KDM4C: variants seen among roughly 807,000 people sequenced by gnomAD.
KDM4C encodes lysine demethylase 4C.
A neutral mutation model predicts 129.3 loss-of-function variants in KDM4C; 81 were observed. The observed-to-expected ratio is 0.63, with a 90% CI of 0.52 to 0.75. The LOEUF is 0.75. Ranked by LOEUF, KDM4C falls within the 30% of genes least tolerant of loss-of-function variation. The pLI is 0.00. For synonymous variants in KDM4C, 573 were observed against 456.1 expected, an observed-to-expected ratio of 1.26 and a Z score of -3.26; for missense variants, 1,457 against 1,304.0, an observed-to-expected ratio of 1.12 and a Z score of -1.81.
chr9:7,105,548 G>A lies in KDM4C; in HGVS notation c.2610+1678G>A, dbSNP rs10758825. On this transcript the variant is annotated intron_variant, in intron 18 of 21. Coordinates refer to ENST00000381309, the MANE Select transcript of KDM4C (RefSeq NM_015061.6). ...CGAGGATAAGAAACCTAAGTTCAGA[G>A]AGGTTTAATTCCTTGCCCAAATAGA... The A allele has an allele frequency of 1.7e-5, 8 of 458,948 alleles. No individual in the cohort carries two copies. In the East Asian group the frequency reaches 3.5e-4, roughly 20 times the overall value. 28.4% of individuals were successfully genotyped at this position (458,948 alleles called of 1,614,324 possible). A position where few individuals can be genotyped will look rare whatever the true frequency, so the allele number is the denominator to read the frequency against.
In KDM4C at chr9:6,904,192, T is replaced by G. The variant is rs994749848; in HGVS notation, c.921+10960T>G. On this transcript the variant is annotated intron_variant, in intron 8 of 21. Coordinates refer to ENST00000381309, the MANE Select transcript of KDM4C (RefSeq NM_015061.6). The stretch of plus-strand genomic sequence containing the variant: ...AGGCAGAGGTTGTGGTGAGCTGACA[T>G]TGTGCCACTGCACTCCAGCCTGGGC... Among the ~76,000 whole-genome samples the G allele has an allele frequency of 2.0e-5, 3 of 152,036 alleles. No homozygotes were observed. The South Asian group carries it at 6.2e-4, about 32-fold the overall frequency.
chr9:6,764,186 T>G (rs1820158654), intron 1 of KDM4C, among the ~76,000 whole-genome samples: 1 of 152,214 alleles, frequency 6.6e-6, no homozygotes, highest in South Asian at 2.1e-4. Context: ...TAGAGAATGG[T>G]AGGAGTACTT....
At chr9:6,972,069 A>G (rs1178824169) in intron 8 of KDM4C, among the ~76,000 whole-genome samples, 1 of 152,164 alleles carries the variant, frequency 6.6e-6, no homozygotes, top group Non-Finnish European at 1.5e-5. Flanking sequence ...AAATATGATT[A>G]CACGTGGCAA....
chr9:7,022,314 C>G (rs889816889), intron 15 of KDM4C, among the ~76,000 whole-genome samples: 1 of 151,940 alleles, frequency 6.6e-6, no homozygotes, highest in Non-Finnish European at 1.5e-5. Context: ...TTTTTTGTTT[C>G]CTCTTCAATT....
At chr9:6,995,954 C>T (rs538502892) in intron 12 of KDM4C, among the ~76,000 whole-genome samples, 44 of 152,298 alleles carry the variant, frequency 2.9e-4, no homozygotes, top group African/African-American at 9.9e-4. Flanking sequence ...AGGCGTGAGC[C>T]ACCGCGCCCG....
chr9:7,067,729 A>G (rs115008513), intron 17 of KDM4C, among the ~76,000 whole-genome samples: 1,566 of 152,312 alleles, frequency 0.01, 40 homozygotes, highest in African/African-American at 0.036. Context: ...AAAATCCAAA[A>G]TGAAAGTCGT....
intron 8 of KDM4C, among the ~76,000 whole-genome samples, chr9:6,928,068 T>C (rs949917667): frequency 6.6e-6 from 1 of 152,232 alleles, no homozygotes; most frequent in African/African-American, 2.4e-5. Flanking sequence ...TTATTCCTTT[T>C]TTAGCCCACT....
intron 8 of KDM4C, among the ~76,000 whole-genome samples, chr9:6,895,955 A>G (rs1185701092): frequency 3.9e-5 from 6 of 151,904 alleles, no homozygotes. Flanking sequence ...CTGAGTTAGC[A>G]TTTTTTTTAC....
chr9:7,154,852 G>C (rs1442210941), intron 19 of KDM4C, among the ~76,000 whole-genome samples: 6 of 152,090 alleles, frequency 3.9e-5, no homozygotes, highest in African/African-American at 1.4e-4. Context: ...GATTTCAGGC[G>C]AGTTTACACA....
intron 17 of KDM4C, among the ~76,000 whole-genome samples, chr9:7,056,842 T>C (rs1347352499): frequency 6.6e-6 from 1 of 152,198 alleles, no homozygotes; most frequent in Admixed American, 6.5e-5. Context: ...GACAGATCTT[T>C]TAATTGAGTG....
At chr9:6,729,638 G>T (rs1331312688) in intron 1 of KDM4C, among the ~76,000 whole-genome samples, 1 of 134,456 alleles carries the variant, frequency 7.4e-6, no homozygotes, top group Non-Finnish European at 1.5e-5. Context: ...TTAAAAAGGA[G>T]GTACTCTCCA....
chr9:6,972,825 A>G (rs966759703), intron 8 of KDM4C, among the ~76,000 whole-genome samples: 5 of 152,196 alleles, frequency 3.3e-5, no homozygotes, highest in African/African-American at 7.2e-5. Flanking sequence ...ATGTTTCCCC[A>G]TATTCTTCCT....
At chr9:6,998,299 C>G (rs818893) in intron 12 of KDM4C, among the ~76,000 whole-genome samples, 30,471 of 152,090 alleles carry the variant, frequency 0.2, 3,052 homozygotes, top group Admixed American at 0.25. Flanking sequence ...TTTAAATATA[C>G]AGACAGAAGA....
chr9:6,733,222 G>A (rs1321726288), intron 1 of KDM4C, among the ~76,000 whole-genome samples: 1 of 152,154 alleles, frequency 6.6e-6, no homozygotes, highest in Non-Finnish European at 1.5e-5. Context: ...TCAGGCTCTG[G>A]GACAGTTGCA....
At chr9:7,062,345 T>C (rs1205415379) in intron 17 of KDM4C, among the ~76,000 whole-genome samples, 1 of 152,082 alleles carries the variant, frequency 6.6e-6, no homozygotes, top group East Asian at 1.9e-4. Flanking sequence ...TCTTACTTTC[T>C]AGCTTCCAAA....
At chr9:7,125,209 C>G (rs190451054) in intron 18 of KDM4C, among the ~76,000 whole-genome samples, 127 of 152,322 alleles carry the variant, frequency 8.3e-4, no homozygotes, top group Non-Finnish European at 1.5e-3. Context: ...TTCCCCACAA[C>G]AGAATGGCTG....
intron 19 of KDM4C, among the ~76,000 whole-genome samples, chr9:7,142,265 G>A (rs1234869663): frequency 1.3e-5 from 2 of 152,000 alleles, no homozygotes; most frequent in Non-Finnish European, 2.9e-5. Context: ...GCTCTACCCC[G>A]GAACTTTTAA....
intron 19 of KDM4C, among the ~76,000 whole-genome samples, chr9:7,149,890 G>A (rs761098711): frequency 2.6e-5 from 4 of 152,208 alleles, no homozygotes; most frequent in Admixed American, 6.5e-5. Context: ...GTGTCAGAAA[G>A]CTTTACACGT....
intron 17 of KDM4C, among the ~76,000 whole-genome samples, chr9:7,067,423 T>C (rs1832577792): frequency 6.6e-6 from 1 of 152,226 alleles, no homozygotes; most frequent in African/African-American, 2.4e-5. Context: ...GCAAGCAAGA[T>C]GTGTTTGTCC....
Sources: allele counts gnomAD v4.1 joint callset (sites outside exome capture counted in the v4.1 genomes callset), GRCh38; gene constraint gnomAD v4.1.1; transcripts MANE v1.5; gene names NCBI Gene and HGNC (gene_info 2026-07-23, HGNC 2026-07-21).